Variants in PHF21A observed in about 807,000 individuals in gnomAD.
PHF21A encodes PHD finger protein 21A.
PHF21A carries 11 observed loss-of-function variants against 82.5 expected under a neutral mutation model. The observed-to-expected ratio is 0.13, with a 90% confidence interval of 0.08 to 0.22. The LOEUF is 0.22. Among genes scored for constraint, PHF21A ranks in the 10% least tolerant of loss-of-function variants. PHF21A has a pLI of 1.00. For missense variants in PHF21A, 579 were observed against 837.8 expected (o/e 0.69, Z 3.81); for synonymous variants, 297 against 302.8 (o/e 0.98, Z 0.20).
At chr11:46,038,139 T>C (rs973093550) in intron 6 of PHF21A, among the ~76,000 whole-genome samples, 1 of 151,956 alleles carries the variant, frequency 6.6e-6, no homozygotes, top group South Asian at 2.1e-4. Context: ...TTTTTTTTTT[T>C]AAATGGAGTT....
chr11:46,094,409 T>C (rs1209392279), intron 1 of PHF21A, among the ~76,000 whole-genome samples: 1 of 152,194 alleles, frequency 6.6e-6, no homozygotes, highest in Non-Finnish European at 1.5e-5. Context: ...TAGCTGATAG[T>C]GAAGCTGGAG....
At chr11:46,088,329 C>A (rs929399892) in intron 3 of PHF21A, among the ~76,000 whole-genome samples, 3 of 152,178 alleles carry the variant, frequency 2.0e-5, no homozygotes, top group Middle Eastern at 3.4e-3. Flanking sequence ...ACTTGCCTAG[C>A]CCAAAATATT....
rs1359109847 is a variant in PHF21A, at chr11:46,121,131, T to G, written c.-433A>C. On this transcript the variant is annotated 5_prime_UTR_variant, in exon 1 of 19. Transcript: ENST00000676320. ...TTAGTGTGTTAAGATGGTAGGTTGT[T>G]CCCTTCTCCCTCCTCCTCCTCCTCC... 6.6e-6 allele frequency: 1 copy of G among 150,934 alleles called. No homozygotes were observed. Among genetic ancestry groups the G allele is most frequent in the African/African-American group, 2.5e-5 (1 of 40,430 alleles). 9.3% of individuals were successfully genotyped at this position (150,934 alleles called of 1,614,324 possible). A position where few individuals can be genotyped will look rare whatever the true frequency, so the allele number is the denominator to read the frequency against.
chr11:45,960,594 G>T (rs1462120242), intron 10 of PHF21A, among the ~76,000 whole-genome samples: 1 of 152,138 alleles, frequency 6.6e-6, no homozygotes, highest in Non-Finnish European at 1.5e-5. Flanking sequence ...TAATGAAAAT[G>T]TTGTGTAACT....
chr11:46,008,028 G>A (rs1180359694), intron 6 of PHF21A, among the ~76,000 whole-genome samples: 1 of 152,176 alleles, frequency 6.6e-6, no homozygotes, highest in East Asian at 1.9e-4. Flanking sequence ...AGTAAAATGT[G>A]TTTAATGTTG....
intron 7 of PHF21A, among the ~76,000 whole-genome samples, chr11:45,978,388 G>A (rs567948509): frequency 1.3e-5 from 2 of 152,216 alleles, no homozygotes; most frequent in East Asian, 3.9e-4. Context: ...TGAGGAGTAT[G>A]TCCATTATGT....
At chr11:45,949,333 G>C in intron 13 of PHF21A, 69 bp downstream of exon 13, 1 of 1,257,528 alleles carries the variant, frequency 8.0e-7, no homozygotes, top group Non-Finnish European at 1.2e-6. Context: ...GTTTTCAGAG[G>C]GGAGGCACTG....
At chr11:46,108,726 G>C (rs776897485) in intron 1 of PHF21A, among the ~76,000 whole-genome samples, 1 of 151,978 alleles carries the variant, frequency 6.6e-6, no homozygotes, top group South Asian at 2.1e-4. Context: ...TTCTTGAAAG[G>C]ACACTTATCT....
chr11:46,113,849 A>G (rs1393688802), intron 1 of PHF21A, among the ~76,000 whole-genome samples: 1 of 151,752 alleles, frequency 6.6e-6, no homozygotes, highest in East Asian at 1.9e-4. Context: ...AAAAAGTTTA[A>G]TTGTTTTAAC....
intron 1 of PHF21A, among the ~76,000 whole-genome samples, chr11:46,103,985 C>T (rs1424619940): frequency 2.0e-5 from 3 of 152,158 alleles, no homozygotes; most frequent in Admixed American, 2.0e-4. Context: ...TACCTTTTCT[C>T]ATAATCAACT....
chr11:46,083,296 T>C (rs903644639), intron 4 of PHF21A, among the ~76,000 whole-genome samples: 15 of 152,162 alleles, frequency 9.9e-5, no homozygotes, highest in East Asian at 7.7e-4. Context: ...ACAGGTGCTT[T>C]TGAAGCTTCC....
intron 14 of PHF21A, among the ~76,000 whole-genome samples, chr11:45,947,428 T>C (rs1014668997): frequency 2.0e-5 from 3 of 152,240 alleles, no homozygotes; most frequent in African/African-American, 4.8e-5. Context: ...ACAAGAGTCA[T>C]GATTCTGTCA....
At chr11:45,956,647 C>T (rs548109052) in intron 10 of PHF21A, among the ~76,000 whole-genome samples, 1 of 151,732 alleles carries the variant, frequency 6.6e-6, no homozygotes, top group South Asian at 2.1e-4. Flanking sequence ...TACTGTAATC[C>T]CCAAGGTAAC....
At chr11:45,962,412 C>G (rs1011305853) in intron 10 of PHF21A, among the ~76,000 whole-genome samples, 7 of 151,882 alleles carry the variant, frequency 4.6e-5, no homozygotes, top group Non-Finnish European at 1.0e-4. Flanking sequence ...AAATGTGATA[C>G]TGGAAATGAA....
chr11:46,052,963 G>C (rs923453097), intron 6 of PHF21A, among the ~76,000 whole-genome samples: 1 of 152,194 alleles, frequency 6.6e-6, no homozygotes, highest in African/African-American at 2.4e-5. Flanking sequence ...AGATGAAGTA[G>C]AAGAATAATT....
At chr11:45,956,074 A>C (rs1410913841) in intron 10 of PHF21A, among the ~76,000 whole-genome samples, 1 of 152,238 alleles carries the variant, frequency 6.6e-6, no homozygotes, top group Non-Finnish European at 1.5e-5. Flanking sequence ...ATCCTGCAAA[A>C]CTATTCTTCA....
chr11:46,018,197 C>G (rs1246810066), intron 6 of PHF21A, among the ~76,000 whole-genome samples: 2 of 149,988 alleles, frequency 1.3e-5, no homozygotes, highest in East Asian at 3.9e-4. Flanking sequence ...TTGCAGTGAG[C>G]TGAGATTGCG....
intron 6 of PHF21A, among the ~76,000 whole-genome samples, chr11:46,018,400 G>A (rs2095561388): frequency 6.6e-6 from 1 of 152,192 alleles, no homozygotes; most frequent in African/African-American, 2.4e-5. Context: ...AGAATGTACA[G>A]TATAGTATTA....
At chr11:46,015,741 C>A (rs770468361) in intron 6 of PHF21A, among the ~76,000 whole-genome samples, 1 of 152,126 alleles carries the variant, frequency 6.6e-6, no homozygotes, top group Non-Finnish European at 1.5e-5. Context: ...GGGTCACAAT[C>A]ATCAATATTA....
Sources: gnomAD v4.1 joint callset for allele counts (sites outside exome capture counted in the v4.1 genomes callset) on GRCh38, gnomAD v4.1.1 for gene constraint, MANE v1.5 for transcripts, NCBI Gene and HGNC (gene_info 2026-07-23, HGNC 2026-07-21) for gene names.